The following DGKZ variants were observed in gnomAD, a reference collection of about 807,000 sequenced individuals.
DGKZ encodes DAG kinase zeta.
Under a neutral mutation model 142.5 loss-of-function variants are expected in DGKZ, and 45 were observed. The ratio of observed to expected loss-of-function variants is 0.32; its 90% CI spans 0.25 to 0.40. DGKZ has a LOEUF of 0.40. DGKZ is among the 10% of genes least tolerant of loss of function. The pLI is 1.00. For synonymous variants in DGKZ, 442 were observed against 527.0 expected (o/e 0.84, Z 2.21); for missense variants, 755 against 1,306.5 (o/e 0.58, Z 6.51).
At chr11:46,334,552 G>A (rs1939917384) in intron 1 of DGKZ, among the ~76,000 whole-genome samples, 1 of 152,172 alleles carries the variant, frequency 6.6e-6, no homozygotes, top group Non-Finnish European at 1.5e-5. Context: ...AATGGCTCTG[G>A]GGCCATCAGG....
rs111331949 is a variant in DGKZ, at chr11:46,335,430, C to A, written c.212+1943C>A. Among the ~76,000 whole-genome samples, 1,055 of 120,878 alleles carry A rather than the reference C, an allele frequency of 8.7e-3. 13 individuals carry two copies. The highest frequency in any genetic ancestry group is 0.057 in the African/African-American group (976 of 17,106). 79.3% of individuals were successfully genotyped at this position (120,878 alleles called of 152,430 possible). ...AGAAAATGTTGCACACGTGCACGCACACACACACACACACACACACACACG... is the reference window on the plus strand; with the variant it reads ...AGAAAATGTTGCACACGTGCACGCAAACACACACACACACACACACACACG... On this transcript the variant is annotated intron_variant, in intron 1 of 30. Transcript: ENST00000343674.
At chr11:46,340,583 G>C (rs755731932) in intron 1 of DGKZ, among the ~76,000 whole-genome samples, 8 of 152,220 alleles carry the variant, frequency 5.3e-5, no homozygotes, top group Non-Finnish European at 1.0e-4. Flanking sequence ...CTCAGCAGGA[G>C]AGGGTCTCCA....
chr11:46,374,462 GGGTCT>G lies in DGKZ; in HGVS notation c.1461+10_1461+14del. ...AAGATGTTCTACGCCGGGGTGAGTG[GGGTCT>G]GCACCCCCGCCTGTGCCCACCTCTT... On this transcript the variant is annotated intron_variant, in intron 16 of 30. Transcript: ENST00000527911. 6.2e-7 allele frequency: 1 copy of G among 1,613,916 alleles called. No individual in the cohort carries two copies.
At chr11:46,360,687 G>T (rs1942545893) in intron 1 of DGKZ, among the ~76,000 whole-genome samples, 1 of 152,142 alleles carries the variant, frequency 6.6e-6, no homozygotes, top group African/African-American at 2.4e-5. Context: ...TCGGGAAGCT[G>T]GGCCAGGAGA....
exon 21 of DGKZ, chr11:46,375,925 A>G: frequency 6.2e-7 from 1 of 1,604,144 alleles, no homozygotes; most frequent in Non-Finnish European, 8.5e-7. Context: ...GCCCTGCACT[A>G]CGACAAGGAG....
chr11:46,355,635 C>T (rs1273132415), intron 1 of DGKZ, among the ~76,000 whole-genome samples: 1 of 151,810 alleles, frequency 6.6e-6, no homozygotes, highest in Admixed American at 6.6e-5. Flanking sequence ...CTGTGAAGGC[C>T]TTTGTCCCCT....
intron 1 of DGKZ, among the ~76,000 whole-genome samples, chr11:46,356,120 C>T (rs1287070875): frequency 1.3e-5 from 2 of 152,164 alleles, no homozygotes; most frequent in African/African-American, 2.4e-5. Flanking sequence ...CCTCTGCAGA[C>T]ACAGGAGAAG....
upstream of DGKZ, among the ~76,000 whole-genome samples, chr11:46,343,425 G>A (rs1207064396): frequency 1.3e-5 from 2 of 152,194 alleles, no homozygotes; most frequent in East Asian, 3.8e-4. Flanking sequence ...GGGTTCTGTA[G>A]CATAAATGTT....
Position 46,374,899 on chromosome 11 carries a change from T to C in DGKZ, c.1599-35T>C, listed in dbSNP as rs754676618. The C allele has an allele frequency of 1.7e-5, 26 of 1,571,986 alleles. No homozygotes were observed. The African/African-American group carries it at 3.1e-4, about 19-fold the overall frequency. ...TGCTGTCCTTGTCCTGCAGAGACTG[T>C]GTTTTGAGGCCCATGTCATCGCCCG... is the stretch of plus-strand genomic sequence containing the variant. On this transcript the variant is annotated intron_variant, in intron 18 of 30. Transcript: ENST00000527911.
intron 1 of DGKZ, among the ~76,000 whole-genome samples, chr11:46,352,444 C>T (rs573065835): frequency 1.3e-5 from 2 of 152,342 alleles, no homozygotes; most frequent in East Asian, 1.9e-4. Flanking sequence ...TCAGTGCGGC[C>T]CAGGGCAGGC....
intron 1 of DGKZ, chr11:46,366,353 G>C: frequency 1.3e-6 from 2 of 1,532,510 alleles, no homozygotes; most frequent in South Asian, 2.5e-5. Flanking sequence ...CACAGGCAAG[G>C]CCCGGCGTCG....
In DGKZ at chr11:46,369,260, C is replaced by T. The variant is rs570131658; in HGVS notation, c.445-234C>T. On this transcript the variant is annotated intron_variant, in intron 4 of 30. Coordinates refer to ENST00000527911, the Ensembl canonical transcript of DGKZ. ...ACGGACCCAAAGCTCCCAACCTCCC[C>T]CTCATCCTGGGTCCTGGGTGGAAGA... is the stretch of plus-strand genomic sequence containing the variant. 8.4e-6 allele frequency: 5 copies of T among 595,278 alleles called. No homozygotes were observed. In the Admixed American group the frequency reaches 1.1e-4, roughly 13 times the overall value. The allele number at this position is 595,278 out of a possible 1,614,324, so 36.9% of individuals were successfully genotyped here.
At chr11:46,365,522 C>T (rs1224540803) in intron 1 of DGKZ, 2 of 985,424 alleles carry the variant, frequency 2.0e-6, no homozygotes, top group Non-Finnish European at 2.4e-6. Context: ...AGCAGCCTCT[C>T]TCCCAGGAGA....
At chr11:46,379,294 C>G in intron 29 of DGKZ, 58 bp downstream of exon 29, 1 of 1,606,170 alleles carries the variant, frequency 6.2e-7, no homozygotes, top group African/African-American at 1.3e-5. Context: ...TTTTCCCCAC[C>G]CCTCCCATTT....
upstream of DGKZ, among the ~76,000 whole-genome samples, chr11:46,346,381 G>A (rs1030665997): frequency 1.4e-5 from 2 of 147,964 alleles, no homozygotes; most frequent in African/African-American, 5.0e-5. Flanking sequence ...CCCAGCTCCT[G>A]GCCTCCCTTC....
exon 1 of DGKZ, chr11:46,333,358 G>C: frequency 7.3e-7 from 1 of 1,370,646 alleles, no homozygotes; most frequent in South Asian, 1.7e-5. Context: ...GTGGTGCGGC[G>C]GCGATGCCGG....
chr11:46,375,470 G>A (rs750374147), exon 20 of DGKZ: 6 of 1,582,312 alleles, frequency 3.8e-6, no homozygotes, highest in Admixed American at 1.8e-5. Context: ...AGCGGCTGAC[G>A]CAGTGTCGCG....
chr11:46,367,525 C>T lies in DGKZ; in HGVS notation c.270+126C>T, dbSNP rs1207179694. 8 of 1,276,840 alleles carry T rather than the reference C, an allele frequency of 6.3e-6. No homozygotes were observed. The highest frequency in any genetic ancestry group is 4.8e-5 in the African/African-American group (3 of 62,020). The allele number at this position is 1,276,840 out of a possible 1,614,324, so 79.1% of individuals were successfully genotyped here. A position where few individuals can be genotyped will look rare whatever the true frequency, so the allele number is the denominator to read the frequency against. On this transcript the variant is annotated intron_variant, in intron 2 of 30. Coordinates refer to ENST00000527911, the Ensembl canonical transcript of DGKZ. The surrounding 1 kb of genome is among the most constrained non-coding windows in gnomAD (Gnocchi z 4.1). ...GGAAGGGTTGGGACAGTGGGGCAGACGGAACAGAGCAGGGTCGATCGGGGC... is the reference window on the plus strand; with the variant it reads ...GGAAGGGTTGGGACAGTGGGGCAGATGGAACAGAGCAGGGTCGATCGGGGC...
chr11:46,369,648 TCTA>T, intron 5 of DGKZ, 98 bp downstream of exon 5: 1 of 1,472,216 alleles, frequency 6.8e-7, no homozygotes, highest in Non-Finnish European at 9.5e-7. Flanking sequence ...CTCGGCTCCC[TCTA>T]GGCTGCTGCT....
Sources: gnomAD v4.1 joint callset for allele counts (sites outside exome capture counted in the v4.1 genomes callset) on GRCh38, gnomAD v4.1.1 for gene constraint, Gnocchi (gnomAD v3.1) non-coding constraint, MANE v1.5 for transcripts, NCBI Gene and HGNC (gene_info 2026-07-23, HGNC 2026-07-21) for gene names.